CSTPP1: variants seen among roughly 807,000 people sequenced by gnomAD.
CSTPP1 encodes the protein UPF0705 protein C11orf49.
the CSTPP1 span, among the ~76,000 whole-genome samples, chr11:46,990,821 G>A: frequency 6.6e-6 from 1 of 152,130 alleles, no homozygotes; most frequent in Non-Finnish European, 1.5e-5. Context: ...TGAAAGGTAA[G>A]GGTCCAGTTT....
At chr11:47,131,328 A>G in the CSTPP1 span, among the ~76,000 whole-genome samples, 2 of 152,172 alleles carry the variant, frequency 1.3e-5, no homozygotes, top group African/African-American at 2.4e-5. Context: ...GTGGACACGC[A>G]TGGTGGTCTG....
the CSTPP1 span, among the ~76,000 whole-genome samples, chr11:46,971,067 C>T: frequency 1.9e-3 from 290 of 152,250 alleles, 1 homozygote; most frequent in Non-Finnish European, 2.0e-3. Context: ...CAACATTTGT[C>T]AACAAGTATA....
At chr11:47,146,087 G>T in the CSTPP1 span, among the ~76,000 whole-genome samples, 1 of 151,996 alleles carries the variant, frequency 6.6e-6, no homozygotes, top group African/African-American at 2.4e-5. Context: ...AATTGGCTGG[G>T]CACAGTGGCT....
chr11:47,005,177 A>G, the CSTPP1 span, among the ~76,000 whole-genome samples: 1 of 152,166 alleles, frequency 6.6e-6, no homozygotes, highest in Non-Finnish European at 1.5e-5. Flanking sequence ...TGATGTAAAA[A>G]CTTTTTAAGA....
the CSTPP1 span, among the ~76,000 whole-genome samples, chr11:47,131,841 G>A: frequency 4.0e-4 from 61 of 152,202 alleles, no homozygotes; most frequent in African/African-American, 1.4e-3. Flanking sequence ...GCCTGGCGTA[G>A]TGATGCATGT....
the CSTPP1 span, chr11:47,158,048 C>T: frequency 4.1e-5 from 33 of 806,946 alleles, no homozygotes; most frequent in Non-Finnish European, 5.9e-5. Context: ...TTCCCAGGGC[C>T]GGACTCAATC....
At chr11:46,937,525 C>T in the CSTPP1 span, among the ~76,000 whole-genome samples, 4 of 152,198 alleles carry the variant, frequency 2.6e-5, no homozygotes, top group Non-Finnish European at 5.9e-5. Flanking sequence ...GGCACACACA[C>T]GCATAGATAT....
chr11:47,075,366 G>T, the CSTPP1 span, among the ~76,000 whole-genome samples: 1 of 151,902 alleles, frequency 6.6e-6, no homozygotes, highest in African/African-American at 2.4e-5. Flanking sequence ...GCAAGACCTT[G>T]CCTCAAAAAA....
At chr11:47,132,872 C>T in the CSTPP1 span, among the ~76,000 whole-genome samples, 1 of 152,154 alleles carries the variant, frequency 6.6e-6, no homozygotes, top group Non-Finnish European at 1.5e-5. Flanking sequence ...GAATCTCAGC[C>T]CTCTTCCTAG....
chr11:47,144,293 A>T, the CSTPP1 span, among the ~76,000 whole-genome samples: 3 of 152,018 alleles, frequency 2.0e-5, no homozygotes, highest in African/African-American at 7.3e-5. Context: ...GGTTCAAGTG[A>T]TTCTTGTGCC....
the CSTPP1 span, among the ~76,000 whole-genome samples, chr11:47,117,679 CT>C: frequency 1.3e-5 from 2 of 152,080 alleles, no homozygotes; most frequent in Admixed American, 1.3e-4. Flanking sequence ...GTTGGCCTGC[CT>C]TGCTAGGTTG....
chr11:47,141,742 T>C, the CSTPP1 span, among the ~76,000 whole-genome samples: 3 of 151,812 alleles, frequency 2.0e-5, no homozygotes, highest in Non-Finnish European at 4.4e-5. Flanking sequence ...AAACCCAGCC[T>C]GGCCAACATG....
At chr11:47,039,139 G>GGT in the CSTPP1 span, among the ~76,000 whole-genome samples, 1 of 127,692 alleles carries the variant, frequency 7.8e-6, no homozygotes, top group South Asian at 2.5e-4. Flanking sequence ...CACTTTGGGA[G>GGT]GCCAAGGCAG....
At chr11:47,052,591 CTCTT>C in the CSTPP1 span, 81 of 1,531,626 alleles carry the variant, frequency 5.3e-5, no homozygotes, top group African/African-American at 1.1e-4. Flanking sequence ...TCCTCTCTCT[CTCTT>C]TCTTTCTCTC....
chr11:47,078,883 G>T, the CSTPP1 span, among the ~76,000 whole-genome samples: 1 of 152,146 alleles, frequency 6.6e-6, no homozygotes. Context: ...CAGTAGCCAC[G>T]AGTGTCCAGT....
chr11:47,056,715 A>T, the CSTPP1 span, among the ~76,000 whole-genome samples: 7 of 152,342 alleles, frequency 4.6e-5, no homozygotes, highest in Non-Finnish European at 8.8e-5. Flanking sequence ...ACTCCAGAAC[A>T]TCTTTCTAAA....
the CSTPP1 span, among the ~76,000 whole-genome samples, chr11:46,976,042 G>C: frequency 6.6e-6 from 1 of 152,252 alleles, no homozygotes; most frequent in Admixed American, 6.5e-5. Context: ...AGAGTTTTAG[G>C]AGAGTGGTGG....
the CSTPP1 span, chr11:47,158,062 G>A: frequency 5.4e-6 from 4 of 735,906 alleles, no homozygotes; most frequent in African/African-American, 1.7e-5. Flanking sequence ...CTCAATCCCA[G>A]GGAGCAGGAA....
the CSTPP1 span, among the ~76,000 whole-genome samples, chr11:47,134,125 G>A: frequency 6.6e-6 from 1 of 152,142 alleles, no homozygotes; most frequent in East Asian, 1.9e-4. Context: ...TCTGTGAAAT[G>A]GGACTGGAAA....
Sources: allele counts gnomAD v4.1 joint callset (sites outside exome capture counted in the v4.1 genomes callset), GRCh38; gene constraint gnomAD v4.1.1; transcripts MANE v1.5; gene names NCBI Gene and HGNC (gene_info 2026-07-23, HGNC 2026-07-21).